The following PTPRM variants were observed in gnomAD, a reference collection of about 807,000 sequenced individuals.
PTPRM encodes receptor-type tyrosine-protein phosphatase mu.
A neutral mutation model predicts 186.7 loss-of-function variants in PTPRM; 47 were observed. The observed-to-expected ratio is 0.25, with a 90% CI of 0.20 to 0.32. The LOEUF (loss-of-function observed/expected upper bound fraction) is 0.32. Among genes scored for constraint, PTPRM ranks in the 10% least tolerant of loss-of-function variants. PTPRM has a pLI of 1.00. For synonymous variants in PTPRM, 668 were observed against 674.9 expected (o/e 0.99, Z 0.16); for missense variants, 1,494 against 1,865.0 (o/e 0.80, Z 3.66).
chr18:7,908,156 C>T (rs1599429809), intron 4 of PTPRM, among the ~76,000 whole-genome samples: 3 of 152,106 alleles, frequency 2.0e-5, no homozygotes, highest in East Asian at 3.9e-4. Flanking sequence ...TGCCAAAATG[C>T]TATGAAGTGT....
At chr18:7,648,511 C>T (rs62089825) in intron 1 of PTPRM, among the ~76,000 whole-genome samples, 5 of 152,146 alleles carry the variant, frequency 3.3e-5, no homozygotes, top group Non-Finnish European at 7.3e-5. Context: ...ACTGTGATTG[C>T]AGAGGAAAAG....
intron 23 of PTPRM, among the ~76,000 whole-genome samples, chr18:8,364,372 T>G (rs2095615160): frequency 6.6e-6 from 1 of 152,160 alleles, no homozygotes; most frequent in Admixed American, 6.5e-5. Context: ...GTAAGTCACT[T>G]GCTGCAACAT....
intron 8 of PTPRM, among the ~76,000 whole-genome samples, chr18:8,075,476 A>G (rs2089750800): frequency 6.6e-6 from 1 of 152,246 alleles, no homozygotes; most frequent in South Asian, 2.1e-4. Flanking sequence ...GCTATTTTGT[A>G]AATAAGATAG....
At chr18:7,781,713 T>G (rs2042862531) in intron 2 of PTPRM, among the ~76,000 whole-genome samples, 1 of 152,204 alleles carries the variant, frequency 6.6e-6, no homozygotes, top group South Asian at 2.1e-4. Context: ...GGCCCCAGCA[T>G]TTCCATCTGA....
At chr18:7,676,868 A>C (rs2039356017) in intron 1 of PTPRM, among the ~76,000 whole-genome samples, 1 of 152,182 alleles carries the variant, frequency 6.6e-6, no homozygotes, top group Admixed American at 6.5e-5. Flanking sequence ...TAAAAAGGTG[A>C]GTATGTTTTT....
intron 1 of PTPRM, among the ~76,000 whole-genome samples, chr18:7,729,878 T>TA (rs2040621799): frequency 6.6e-6 from 1 of 152,218 alleles, no homozygotes; most frequent in Non-Finnish European, 1.5e-5. Flanking sequence ...GAATTAAAGC[T>TA]TTTATACATT....
chr18:7,961,354 C>T (rs967623942), intron 7 of PTPRM, among the ~76,000 whole-genome samples: 6 of 152,158 alleles, frequency 3.9e-5, no homozygotes, highest in African/African-American at 1.4e-4. Context: ...TAGGTGTCTC[C>T]TATAAGTGGA....
chr18:7,700,378 T>C (rs1031925375), intron 1 of PTPRM, among the ~76,000 whole-genome samples: 2 of 151,502 alleles, frequency 1.3e-5, no homozygotes, highest in African/African-American at 2.4e-5. Flanking sequence ...CCTACATACA[T>C]TCAGTAGCCA....
intron 19 of PTPRM, among the ~76,000 whole-genome samples, chr18:8,291,107 C>CT: frequency 6.6e-6 from 1 of 152,182 alleles, no homozygotes; most frequent in East Asian, 1.9e-4. Flanking sequence ...CTAAATGATG[C>CT]TTTTAGCCTT....
At chr18:7,690,070 A>G (rs891016378) in intron 1 of PTPRM, among the ~76,000 whole-genome samples, 2 of 152,240 alleles carry the variant, frequency 1.3e-5, no homozygotes, top group African/African-American at 2.4e-5. Flanking sequence ...CACCATAAAG[A>G]CCTTTTAATA....
chr18:7,957,055 G>GTT (rs2053360816), intron 7 of PTPRM, among the ~76,000 whole-genome samples: 2 of 152,062 alleles, frequency 1.3e-5, no homozygotes, highest in Admixed American at 1.3e-4. Flanking sequence ...GCAATATATG[G>GTT]TTTCTCTCTC....
chr18:8,356,446 T>C (rs1280485773), intron 23 of PTPRM, among the ~76,000 whole-genome samples: 1 of 152,150 alleles, frequency 6.6e-6, no homozygotes, highest in Admixed American at 6.5e-5. Context: ...TGACATCTTT[T>C]CCTCTGAGCC....
At chr18:7,937,116 T>G (rs2051861946) in intron 5 of PTPRM, among the ~76,000 whole-genome samples, 1 of 152,152 alleles carries the variant, frequency 6.6e-6, no homozygotes, top group Non-Finnish European at 1.5e-5. Context: ...TCATTCTTCC[T>G]AGACACAGGA....
intron 1 of PTPRM, among the ~76,000 whole-genome samples, chr18:7,682,134 C>T (rs1224800841): frequency 2.0e-5 from 3 of 152,308 alleles, no homozygotes; most frequent in African/African-American, 7.2e-5. Context: ...AGTTGCAGAG[C>T]TGGGATTCCA....
At chr18:7,687,501 A>G (rs1206688353) in intron 1 of PTPRM, among the ~76,000 whole-genome samples, 1 of 152,196 alleles carries the variant, frequency 6.6e-6, no homozygotes, top group Non-Finnish European at 1.5e-5. Context: ...AGCCTGTTAG[A>G]TGATAATTTA....
intron 7 of PTPRM, among the ~76,000 whole-genome samples, chr18:8,052,252 A>G (rs1282328361): frequency 6.6e-6 from 1 of 152,210 alleles, no homozygotes; most frequent in East Asian, 1.9e-4. Context: ...CTGGGGCTTC[A>G]TCACAGGCCC....
At chr18:8,234,751 G>C (rs1379078771) in intron 14 of PTPRM, among the ~76,000 whole-genome samples, 1 of 151,932 alleles carries the variant, frequency 6.6e-6, no homozygotes, top group African/African-American at 2.4e-5. Context: ...CAAGTTGAGG[G>C]GTGTTCCCCT....
chr18:8,268,289 A>T lies in PTPRM; in HGVS notation c.2754+14875A>T, dbSNP rs2094726870. Among the ~76,000 whole-genome samples, 3 of 152,250 alleles carry T rather than the reference A, an allele frequency of 2.0e-5. No homozygotes were observed. In the South Asian group the frequency reaches 6.2e-4, roughly 32 times the overall value. ...CTTCAAAATCTTCTTTATAAATCCTATACATCTTTTGGTTTGATAAGATTA... is the reference window on the plus strand; with the variant it reads ...CTTCAAAATCTTCTTTATAAATCCTTTACATCTTTTGGTTTGATAAGATTA... On this transcript the variant is annotated intron_variant, in intron 19 of 32. Coordinates refer to ENST00000580170, the MANE Select transcript of PTPRM (RefSeq NM_001105244.2).
intron 2 of PTPRM, among the ~76,000 whole-genome samples, chr18:7,803,427 T>C (rs1795361475): frequency 6.6e-6 from 1 of 152,120 alleles, no homozygotes; most frequent in Admixed American, 6.6e-5. Context: ...GTAAGGACTC[T>C]TGTGATTATG....
Sources: gnomAD v4.1 joint callset for allele counts (sites outside exome capture counted in the v4.1 genomes callset) on GRCh38, gnomAD v4.1.1 for gene constraint, MANE v1.5 for transcripts, NCBI Gene and HGNC (gene_info 2026-07-23, HGNC 2026-07-21) for gene names.